The following C2CD3 variants were observed in gnomAD, a reference collection of about 807,000 sequenced individuals.
C2CD3 encodes the protein C2 domain-containing protein 3.
A neutral mutation model predicts 234.0 loss-of-function variants in C2CD3; 148 were observed. The ratio of observed to expected loss-of-function variants is 0.63; its 90% CI spans 0.55 to 0.72. The LOEUF is 0.72. Ranked by LOEUF, C2CD3 falls within the 30% of genes least tolerant of loss-of-function variation. The pLI is 0.00. For synonymous variants in C2CD3, 1,000 were observed against 1,035.4 expected (o/e 0.97, Z 0.66); for missense variants, 2,577 against 2,811.5 (o/e 0.92, Z 1.89).
At position 74,122,982 on chromosome 11, in the gene C2CD3, A is replaced by G; in HGVS notation, c.1365+6T>C. On this transcript the variant is annotated splice_donor_region_variant and intron_variant, in intron 8 of 32. Transcript: ENST00000334126. ...AATTCTCAATGCTTCAGGTTCAGTG[A>G]CTTACAGGTGCTGTATAAAATAAAT... 1 of 1,610,878 alleles carries G rather than the reference A, an allele frequency of 6.2e-7. No individual in the cohort carries two copies. The highest frequency in any genetic ancestry group is 8.5e-7 in the Non-Finnish European group (1 of 1,177,728).
intron 32 of C2CD3, among the ~76,000 whole-genome samples, chr11:74,023,268 A>T (rs1283054961): frequency 6.6e-6 from 1 of 152,260 alleles, no homozygotes; most frequent in South Asian, 2.1e-4. Flanking sequence ...GTTAGCCCTG[A>T]CCCGGAAGCA....
rs148824475 is a variant in C2CD3 at position 74,047,091 on chromosome 11, T to C, written c.5495+1114A>G. The stretch of plus-strand genomic sequence containing the variant: ...CCTCAGGTCACATGTAACTAGTAAG[T>C]GGTAAAGCCAGGATAGGATTCCAGA... On this transcript the variant is annotated intron_variant, in intron 28 of 32. Transcript: ENST00000334126. Among the ~76,000 whole-genome samples, 247 of 152,304 alleles carry C rather than the reference T, an allele frequency of 1.6e-3. 1 individual carries two copies. Among genetic ancestry groups the C allele is most frequent in the African/African-American group, 5.8e-3 (240 of 41,564 alleles).
intron 14 of C2CD3, among the ~76,000 whole-genome samples, chr11:74,101,064 A>T (rs1282995930): frequency 2.0e-5 from 3 of 152,358 alleles, no homozygotes; most frequent in South Asian, 4.1e-4. Context: ...TACTGACTTG[A>T]CAAGAGTTGA....
intron 22 of C2CD3, among the ~76,000 whole-genome samples, chr11:74,083,862 A>G (rs534029751): frequency 6.6e-6 from 1 of 152,356 alleles, no homozygotes; most frequent in African/African-American, 2.4e-5. Flanking sequence ...AAACTAGTTC[A>G]GCCACTGTGG....
chr11:74,013,404 T>A lies in C2CD3; in HGVS notation c.7043A>T (p.Gln2348Leu). Reference sequence around the variant, plus strand: ...GCTGCGTCAGTCTTTCTGGGAGTACTGAGAAGAAAATATCCGTGCAATCCT... The same window carrying A: ...GCTGCGTCAGTCTTTCTGGGAGTACAGAGAAGAAAATATCCGTGCAATCCT... ...TLRIARIFSSQYSQKD is the reference protein window; with the variant it reads ...TLRIARIFSSLYSQKD The change falls in exon 33 of 33, where the codon CAG (glutamine) becomes CTG (leucine). Residue 2348 changes from glutamine to leucine, a missense_variant. Gln to Leu is a moderately radical substitution (Grantham distance 113). Coordinates refer to ENST00000334126, the MANE Select transcript of C2CD3 (RefSeq NM_001286577.2). The A allele has an allele frequency of 8.3e-7, 1 of 1,211,924 alleles. No homozygotes were observed. Among genetic ancestry groups the A allele is most frequent in the Non-Finnish European group, 1.1e-6 (1 of 916,740 alleles). 75.1% of individuals were successfully genotyped at this position (1,211,924 alleles called of 1,614,324 possible).
At chr11:74,115,225 T>C (rs1956884023) in intron 9 of C2CD3, among the ~76,000 whole-genome samples, 1 of 151,792 alleles carries the variant, frequency 6.6e-6, no homozygotes, top group Non-Finnish European at 1.5e-5. Flanking sequence ...TACATATATA[T>C]ATACATACAT....
At position 74,100,598 on chromosome 11, in the gene C2CD3, C is replaced by T. The variant is rs117535770; in HGVS notation, c.2659G>A (p.Val887Met). 5.6e-3 allele frequency: 8,993 copies of T among 1,614,090 alleles called. 45 individuals are homozygous for T. The highest frequency in any genetic ancestry group is 6.5e-3 in the Non-Finnish European group (7,640 of 1,179,968). Residue 887 changes from valine (V) to methionine (M), a missense_variant, in exon 15 of 33, where the codon GTG (valine) becomes ATG (methionine). Val to Met is a conservative substitution (Grantham distance 21). Coordinates refer to ENST00000334126, the MANE Select transcript of C2CD3 (RefSeq NM_001286577.2). Reference protein sequence around the residue: ...NVMVIETWNKVRSPGQDKLLG... With the variant: ...NVMVIETWNKMRSPGQDKLLG... Reference sequence around the variant, plus strand: ...AGCTTGTCCTGTCCTGGGCTCCGCACCTTATTCCAAGTTTCAATTACCATC... The same window carrying T: ...AGCTTGTCCTGTCCTGGGCTCCGCATCTTATTCCAAGTTTCAATTACCATC...
Position 74,067,311 on chromosome 11 carries a change from G to A in C2CD3, c.4951+6942C>T, listed in dbSNP as rs79153010. ...GGCGTCCACAAAGCAGGAGAGAACT[G>A]AGGCATGTACAAGTTGCCAACAAAG... On this transcript the variant is annotated intron_variant, in intron 24 of 32. Transcript: ENST00000334126. 2.6e-3 allele frequency among the ~76,000 whole-genome samples: 396 copies of A among 152,094 alleles called. 1 individual carries two copies. The highest frequency in any genetic ancestry group is 5.1e-3 in the Non-Finnish European group (350 of 68,006).
chr11:74,105,126 A>G (rs1292392045), intron 13 of C2CD3, among the ~76,000 whole-genome samples: 1 of 152,142 alleles, frequency 6.6e-6, no homozygotes, highest in African/African-American at 2.4e-5. Flanking sequence ...TACCTTACTG[A>G]CTCTTTACGT....
At chr11:74,154,055 C>T (rs1198523694) in intron 3 of C2CD3, among the ~76,000 whole-genome samples, 1 of 151,678 alleles carries the variant, frequency 6.6e-6, no homozygotes, top group African/African-American at 2.4e-5. Context: ...CTACAGTATA[C>T]CCCAAAATTA....
At chr11:74,036,577 C>G (rs542719804) in intron 30 of C2CD3, 11 of 452,448 alleles carry the variant, frequency 2.4e-5, no homozygotes, top group Non-Finnish European at 4.4e-5. Context: ...CTTCTTCATC[C>G]CTGTGTAGAA....
At chr11:74,164,414 CCTT>C (rs2135573830) in intron 2 of C2CD3, 1 of 170,886 alleles carries the variant, frequency 5.9e-6, no homozygotes, top group African/African-American at 2.4e-5. Flanking sequence ...ATCCTATAAT[CCTT>C]CTATTTCCTA....
intron 5 of C2CD3, among the ~76,000 whole-genome samples, chr11:74,137,738 C>T (rs531421671): frequency 6.6e-6 from 1 of 151,910 alleles, no homozygotes; most frequent in African/African-American, 2.4e-5. Context: ...GCACCTACCA[C>T]AACACCCAGC....
chr11:74,146,025 T>C (rs917616611), intron 3 of C2CD3, among the ~76,000 whole-genome samples: 1 of 152,158 alleles, frequency 6.6e-6, no homozygotes, highest in Non-Finnish European at 1.5e-5. Flanking sequence ...TGTCAAAAGA[T>C]AGCATCAGGA....
intron 32 of C2CD3, among the ~76,000 whole-genome samples, chr11:74,022,003 A>G (rs1952107160): frequency 6.6e-6 from 1 of 152,064 alleles, no homozygotes; most frequent in Non-Finnish European, 1.5e-5. Context: ...GCACGCGCCT[A>G]TAATCCCAGC....
intron 3 of C2CD3, among the ~76,000 whole-genome samples, chr11:74,155,448 A>G (rs143324753): frequency 6.6e-6 from 1 of 152,248 alleles, no homozygotes; most frequent in Non-Finnish European, 1.5e-5. Flanking sequence ...AAGAACTTAT[A>G]TATGAATGCT....
intron 3 of C2CD3, among the ~76,000 whole-genome samples, chr11:74,156,566 T>A (rs1016108007): frequency 1.1e-4 from 17 of 151,104 alleles, no homozygotes; most frequent in African/African-American, 4.1e-4. Context: ...TCCCAGCTAC[T>A]CAGGAGGCCG....
chr11:74,036,273 GA>G, intron 30 of C2CD3: 1 of 338,206 alleles, frequency 3.0e-6, no homozygotes, highest in South Asian at 2.4e-5. Flanking sequence ...CTTTCTTTGT[GA>G]GAGGATTTTT....
chr11:74,114,758 G>A (rs1391576645), intron 9 of C2CD3, among the ~76,000 whole-genome samples, 165 bp from the exon 10 acceptor site: 3 of 152,188 alleles, frequency 2.0e-5, no homozygotes, highest in Admixed American at 2.0e-4. Flanking sequence ...CTGGAGTGCA[G>A]TGGCACGATC....
Sources: gnomAD v4.1 joint callset for allele counts (sites outside exome capture counted in the v4.1 genomes callset) on GRCh38, gnomAD v4.1.1 for gene constraint, MANE v1.5 for transcripts, NCBI Gene and HGNC (gene_info 2026-07-23, HGNC 2026-07-21) for gene names.